HIPK1: variants seen among roughly 807,000 people sequenced by gnomAD.
HIPK1 encodes the protein homeodomain interacting protein kinase 1.
In HIPK1, 28 loss-of-function variants were observed where a neutral mutation model predicts 117.1. The observed-to-expected ratio is 0.24, with a 90% CI of 0.18 to 0.33. HIPK1 has a LOEUF of 0.33. Among genes scored for constraint, HIPK1 ranks in the 10% least tolerant of loss-of-function variants. HIPK1 has a pLI of 1.00. For missense variants in HIPK1, 1,122 were observed against 1,475.1 expected (o/e 0.76, Z 3.92); for synonymous variants, 605 against 562.5 (o/e 1.08, Z -1.07).
chr1:113,971,904 C>T lies in HIPK1; in HGVS notation c.3094C>T (p.Arg1032Ter). 1.2e-6 allele frequency: 2 copies of T among 1,607,692 alleles called. No homozygotes were observed. The highest frequency in any genetic ancestry group is 1.7e-6 in the Non-Finnish European group (2 of 1,177,350). The change falls in exon 15 of 16, where the codon CGA becomes TGA. Residue 1032 changes from arginine (R) to a stop codon, truncating the protein, a stop_gained. Transcript: ENST00000426820. LOFTEE classifies it high-confidence loss of function. ...ATGCTGTATCACCCCCACAGGGTAT[C>T]GAGCTCAACGCGGGGGGACCAGTGC... ...SGCCITPTGY[R>*]AQRGGTSAAQ... is the part of the protein sequence containing the mutation.
At chr1:113,957,948 A>C in intron 7 of HIPK1, 118 bp from the exon 8 acceptor site, 1 of 743,830 alleles carries the variant, frequency 1.3e-6, no homozygotes, top group South Asian at 1.8e-5. Flanking sequence ...TTTCAGAGGC[A>C]GTTAACATTA....
chr1:113,955,558 T>C lies in HIPK1; in HGVS notation c.1321-5T>C. 6.6e-7 allele frequency: 1 copy of C among 1,515,546 alleles called. No homozygotes were observed. The highest frequency in any genetic ancestry group is 9.1e-7 in the Non-Finnish European group (1 of 1,103,598). The allele number at this position is 1,515,546 out of a possible 1,614,324, so 93.9% of individuals were successfully genotyped here. A position where few individuals can be genotyped will look rare whatever the true frequency, so the allele number is the denominator to read the frequency against. ...AATTTAAGGAGGAAAATCTTTATTT[T>C]ATAGACACCTGAAGAACATGAACTG... On this transcript the variant is annotated splice_polypyrimidine_tract_variant and splice_region_variant and intron_variant, in intron 4 of 15. Transcript: ENST00000426820.
rs115873210 is a variant in HIPK1 at position 113,956,511 on chromosome 1, A to G, written c.1408-116A>G. 3.4e-3 allele frequency: 1,862 copies of G among 549,876 alleles called. 37 individuals are homozygous for G. The highest frequency in any genetic ancestry group is 0.033 in the African/African-American group (1,648 of 50,548). 34.1% of individuals were successfully genotyped at this position (549,876 alleles called of 1,614,324 possible). A position where few individuals can be genotyped will look rare whatever the true frequency, so the allele number is the denominator to read the frequency against. ...AGATTTTCATAAAAAGAATTTCCCC[A>G]GGTTTCTCTTTTGATTACATATATA... On this transcript the variant is annotated intron_variant, in intron 5 of 15. Transcript: ENST00000426820.
rs1410395217 is a variant in HIPK1, at chr1:113,977,245, T to G, written c.*3733T>G. On this transcript the variant is annotated 3_prime_UTR_variant, in exon 16 of 16. Coordinates refer to ENST00000426820, the MANE Select transcript of HIPK1 (RefSeq NM_198268.3). ...CTGCTTCCTATTTTGATTTTTTTTT[T>G]TTTTAACTGATAGATGGTGCAGCAT... 1 of 152,774 alleles carries G rather than the reference T, an allele frequency of 6.5e-6. No individual in the cohort carries two copies. The highest frequency in any genetic ancestry group is 1.5e-5 in the Non-Finnish European group (1 of 68,048). 9.5% of individuals were successfully genotyped at this position (152,774 alleles called of 1,614,324 possible).
In HIPK1 at chr1:113,971,891, C is replaced by T. The variant is rs766218728; in HGVS notation, c.3081C>T (p.Thr1027=). ...VSGQSSGCCI[T]PTGYRAQRGG... is the part of the protein sequence containing the mutation. The stretch of plus-strand genomic sequence containing the variant: ...GGCAGTCATCTGGATGCTGTATCAC[C>T]CCCACAGGGTATCGAGCTCAACGCG... Residue 1027 remains threonine, a synonymous_variant, in exon 15 of 16, where the codon ACC becomes ACT. Transcript: ENST00000426820. The T allele has an allele frequency of 1.2e-6, 2 of 1,606,202 alleles. No individual in the cohort carries two copies. The highest frequency in any genetic ancestry group is 8.5e-7 in the Non-Finnish European group (1 of 1,177,028).
chr1:113,938,799 A>G (rs1449449704), intron 1 of HIPK1, among the ~76,000 whole-genome samples: 2 of 151,686 alleles, frequency 1.3e-5, no homozygotes, highest in Non-Finnish European at 2.9e-5. Context: ...ACTCTCAGCT[A>G]CTTGGGAGGC....
Position 113,973,616 on chromosome 1 carries a change from A to AGTGG in HIPK1, c.*105_*106insTGGG. ...CTCCTTTACCCTCTTGAAATTTCTT[A>AGTGG]GCCAGCAACTTGTTCTGCAGGGGCC... On this transcript the variant is annotated 3_prime_UTR_variant, in exon 16 of 16. Transcript: ENST00000426820. 1.5e-6 allele frequency: 2 copies of AGTGG among 1,374,082 alleles called. No homozygotes were observed. The highest frequency in any genetic ancestry group is 5.1e-5 in the Admixed American group (2 of 39,478). The allele number at this position is 1,374,082 out of a possible 1,614,324, so 85.1% of individuals were successfully genotyped here. A position where few individuals can be genotyped will look rare whatever the true frequency, so the allele number is the denominator to read the frequency against.
At chr1:113,968,759 G>T in intron 13 of HIPK1, 111 bp downstream of exon 13, 1 of 821,472 alleles carries the variant, frequency 1.2e-6, no homozygotes, top group Middle Eastern at 2.5e-4. Flanking sequence ...GGTGGCTCAC[G>T]CCTGTAATCC....
At chr1:113,939,340 T>TGTTG (rs576367348) in intron 1 of HIPK1, among the ~76,000 whole-genome samples, 1 of 140,958 alleles carries the variant, frequency 7.1e-6, no homozygotes, top group African/African-American at 2.7e-5. Context: ...TTTTTTTTTT[T>TGTTG]TTGTTGTTGT....
At chr1:113,942,222 G>C (rs949894993) in intron 2 of HIPK1, among the ~76,000 whole-genome samples, 7 of 151,656 alleles carry the variant, frequency 4.6e-5, no homozygotes, top group Non-Finnish European at 7.4e-5. Context: ...TACCACGCCC[G>C]GCTAATTTTT....
Position 113,962,456 on chromosome 1 carries a change from G to A in HIPK1, c.2103+18G>A. ...TCACGCAGGTAAAAGCTAGAGCAAT[G>A]TGGATACTCAGTATTGCTAAACACT... On this transcript the variant is annotated intron_variant, in intron 9 of 15. Transcript: ENST00000426820. 1 of 1,611,006 alleles carries A rather than the reference G, an allele frequency of 6.2e-7. No individual in the cohort carries two copies. Among genetic ancestry groups the A allele is most frequent in the Admixed American group, 1.7e-5 (1 of 59,668 alleles).
chr1:113,958,013 A>G, intron 7 of HIPK1, 53 bp from the exon 8 acceptor site: 1 of 1,262,516 alleles, frequency 7.9e-7, no homozygotes, highest in South Asian at 1.2e-5. Context: ...ATATAAAATT[A>G]TTGTGTGTCT....
intron 2 of HIPK1, among the ~76,000 whole-genome samples, chr1:113,943,677 A>G (rs1670796987): frequency 6.6e-6 from 1 of 152,170 alleles, no homozygotes; most frequent in Non-Finnish European, 1.5e-5. Context: ...TGATAATTCT[A>G]TGTTTAACTT....
chr1:113,951,213 A>G (rs1265610039), intron 2 of HIPK1: 13 of 982,962 alleles, frequency 1.3e-5, no homozygotes, highest in Non-Finnish European at 1.6e-5. Context: ...TTCTTTTTGA[A>G]CCCACTTATT....
At chr1:113,955,537 T>C in intron 4 of HIPK1, 26 bp from the exon 5 acceptor site, 1 of 1,304,256 alleles carries the variant, frequency 7.7e-7, no homozygotes, top group South Asian at 1.2e-5. Flanking sequence ...AGATGGAATT[T>C]AAGGAGGAAA....
chr1:113,948,007 G>A (rs868812784), intron 2 of HIPK1, among the ~76,000 whole-genome samples: 2 of 152,240 alleles, frequency 1.3e-5, no homozygotes, highest in African/African-American at 4.8e-5. Flanking sequence ...AGAGTTTTAC[G>A]TGTCTGTAGA....
chr1:113,956,761 C>T lies in HIPK1; in HGVS notation c.1542C>T (p.Asn514=). ...GAATTACCCCTCTAAAAACTCTTAA[C>T]CATCAGTTTGTGACAATGACTCACC... The part of the protein sequence containing the change: ...DKRITPLKTL[N]HQFVTMTHLL... Residue 514 remains asparagine (N), a synonymous_variant, in exon 6 of 16, where the codon AAC becomes AAT. Coordinates refer to ENST00000426820, the MANE Select transcript of HIPK1 (RefSeq NM_198268.3). 6.2e-7 allele frequency: 1 copy of T among 1,614,080 alleles called. No individual in the cohort carries two copies. Among genetic ancestry groups the T allele is most frequent in the Non-Finnish European group, 8.5e-7 (1 of 1,179,956 alleles).
chr1:113,951,708 A>G (rs1408426066), intron 2 of HIPK1, among the ~76,000 whole-genome samples: 2 of 152,172 alleles, frequency 1.3e-5, no homozygotes, highest in African/African-American at 4.8e-5. Flanking sequence ...AAGCTTCACA[A>G]CAACTCTATG....
chr1:113,959,555 T>G (rs905710396), intron 8 of HIPK1, among the ~76,000 whole-genome samples: 2 of 152,204 alleles, frequency 1.3e-5, no homozygotes, highest in Non-Finnish European at 2.9e-5. Context: ...TTGGAACAGT[T>G]TTCAGATGTG....
Sources: allele counts gnomAD v4.1 joint callset (sites outside exome capture counted in the v4.1 genomes callset), GRCh38; gene constraint gnomAD v4.1.1; transcripts MANE v1.5; gene names NCBI Gene and HGNC (gene_info 2026-07-23, HGNC 2026-07-21).